The following PDGFC variants were observed in gnomAD, a reference collection of about 807,000 sequenced individuals.
PDGFC encodes platelet derived growth factor C.
A neutral mutation model predicts 35.5 loss-of-function variants in PDGFC; 12 were observed. The observed-to-expected ratio is 0.34, with a 90% CI of 0.22 to 0.55. PDGFC has a LOEUF of 0.55. Ranked by LOEUF, PDGFC falls within the 20% of genes least tolerant of loss-of-function variation. PDGFC has a pLI of 0.91. For synonymous variants in PDGFC, 159 were observed against 148.8 expected, an observed-to-expected ratio of 1.07 and a Z score of -0.50; for missense variants, 322 against 412.4, an observed-to-expected ratio of 0.78 and a Z score of 1.90.
chr4:156,902,928 T>C (rs1236911976), intron 1 of PDGFC, among the ~76,000 whole-genome samples: 1 of 152,184 alleles, frequency 6.6e-6, no homozygotes, highest in Non-Finnish European at 1.5e-5. Flanking sequence ...ACTTGATAAT[T>C]ATTTATTGGA....
intron 1 of PDGFC, among the ~76,000 whole-genome samples, chr4:156,941,366 C>T (rs532106820): frequency 1.1e-4 from 16 of 152,158 alleles, no homozygotes; most frequent in Middle Eastern, 3.4e-3. Context: ...AGAAACTGCA[C>T]GGGATGACGG....
At chr4:156,820,638 G>A (rs1460213522) in intron 2 of PDGFC, among the ~76,000 whole-genome samples, 1 of 152,150 alleles carries the variant, frequency 6.6e-6, no homozygotes, top group African/African-American at 2.4e-5. Context: ...AGGTACGCCT[G>A]TAATACTTTA....
rs114214397 is a variant in PDGFC, at chr4:156,931,396, A to T, written c.118+39390T>A. Among the ~76,000 whole-genome samples the T allele has an allele frequency of 5.3e-3, 812 of 152,332 alleles. 9 individuals are homozygous for T. Among genetic ancestry groups the T allele is most frequent in the African/African-American group, 0.019 (787 of 41,572 alleles). On this transcript the variant is annotated intron_variant, in intron 1 of 5. Coordinates refer to ENST00000502773, the MANE Select transcript of PDGFC (RefSeq NM_016205.3). ...TTAAATTATAGTCAAAGATCCATGAAGGCTTAAGTCACCCAGGATTGCATT... is the reference window on the plus strand; with the variant it reads ...TTAAATTATAGTCAAAGATCCATGATGGCTTAAGTCACCCAGGATTGCATT...
At chr4:156,840,956 C>T (rs1047278238) in intron 2 of PDGFC, among the ~76,000 whole-genome samples, 3 of 152,226 alleles carry the variant, frequency 2.0e-5, no homozygotes, top group Admixed American at 1.3e-4. Context: ...AATGCCTGTA[C>T]CCCCATTGTA....
chr4:156,887,316 G>C (rs921457473), intron 1 of PDGFC, among the ~76,000 whole-genome samples: 1 of 152,038 alleles, frequency 6.6e-6, no homozygotes, highest in Non-Finnish European at 1.5e-5. Flanking sequence ...TATCTCTGCT[G>C]TTTAGTAACA....
At chr4:156,854,946 C>T (rs568743870) in intron 1 of PDGFC, among the ~76,000 whole-genome samples, 1 of 152,054 alleles carries the variant, frequency 6.6e-6, no homozygotes, top group East Asian at 1.9e-4. Flanking sequence ...ATAAATACTA[C>T]ATTTTAAAAA....
intron 1 of PDGFC, among the ~76,000 whole-genome samples, chr4:156,880,698 A>C (rs1293355041): frequency 6.6e-6 from 1 of 152,208 alleles, no homozygotes; most frequent in Admixed American, 6.5e-5. Flanking sequence ...ACTCTCATGG[A>C]TGACACTGAG....
intron 1 of PDGFC, among the ~76,000 whole-genome samples, chr4:156,961,573 T>A (rs925575977): frequency 3.9e-5 from 6 of 152,132 alleles, no homozygotes; most frequent in African/African-American, 1.4e-4. Context: ...AATCCTTAAA[T>A]ACCACAAAAT....
chr4:156,942,872 G>C (rs1417429033), intron 1 of PDGFC, among the ~76,000 whole-genome samples: 1 of 151,696 alleles, frequency 6.6e-6, no homozygotes, highest in Admixed American at 6.6e-5. Flanking sequence ...AAACCTTTAA[G>C]GAATTCTGAG....
At chr4:156,850,508 A>G in intron 1 of PDGFC, 92 bp from the exon 2 acceptor site, 1 of 617,698 alleles carries the variant, frequency 1.6e-6, no homozygotes, top group South Asian at 2.8e-5. Context: ...TTTACCTCAG[A>G]CAAGTGCTGA....
intron 1 of PDGFC, among the ~76,000 whole-genome samples, chr4:156,901,531 C>T (rs1024797694): frequency 6.6e-6 from 1 of 152,082 alleles, no homozygotes; most frequent in Non-Finnish European, 1.5e-5. Flanking sequence ...AGAACAACGC[C>T]TACCTATTTC....
intron 3 of PDGFC, among the ~76,000 whole-genome samples, chr4:156,790,129 C>T (rs886687063): frequency 1.3e-5 from 2 of 152,000 alleles, no homozygotes; most frequent in Non-Finnish European, 2.9e-5. Flanking sequence ...TATTTATTTT[C>T]TCTGTATTTT....
intron 1 of PDGFC, among the ~76,000 whole-genome samples, chr4:156,858,123 G>T (rs1009519655): frequency 6.6e-6 from 1 of 151,958 alleles, no homozygotes; most frequent in Non-Finnish European, 1.5e-5. Context: ...ATTATTATGC[G>T]TGCCACTATT....
intron 3 of PDGFC, among the ~76,000 whole-genome samples, chr4:156,784,133 T>C (rs1299807582): frequency 6.6e-6 from 1 of 152,084 alleles, no homozygotes; most frequent in Non-Finnish European, 1.5e-5. Flanking sequence ...TCACTTGGAA[T>C]AGAGAAAGAT....
intron 1 of PDGFC, among the ~76,000 whole-genome samples, chr4:156,897,192 T>C (rs1242691862): frequency 6.6e-6 from 1 of 152,128 alleles, no homozygotes; most frequent in Non-Finnish European, 1.5e-5. Flanking sequence ...GACATTTGAC[T>C]AAAAAATAAG....
At chr4:156,799,946 A>T (rs1052333583) in intron 3 of PDGFC, among the ~76,000 whole-genome samples, 1 of 152,210 alleles carries the variant, frequency 6.6e-6, no homozygotes, top group African/African-American at 2.4e-5. Flanking sequence ...TTACCAAAGT[A>T]TCCATGACAT....
At chr4:156,770,992 C>T (rs1385993974) in intron 4 of PDGFC, among the ~76,000 whole-genome samples, 2 of 152,098 alleles carry the variant, frequency 1.3e-5, no homozygotes, top group Non-Finnish European at 2.9e-5. Context: ...TTGGTTTTGT[C>T]TATATAGATG....
intron 1 of PDGFC, among the ~76,000 whole-genome samples, chr4:156,887,398 T>G (rs952571431): frequency 6.6e-6 from 1 of 152,182 alleles, no homozygotes; most frequent in South Asian, 2.1e-4. Flanking sequence ...TACATATTTT[T>G]GGGGAGTAAG....
At chr4:156,934,722 C>T (rs544667535) in intron 1 of PDGFC, among the ~76,000 whole-genome samples, 1 of 152,174 alleles carries the variant, frequency 6.6e-6, no homozygotes, top group African/African-American at 2.4e-5. Context: ...ATTCTATGTG[C>T]TTGTTTCTAA....
Sources: gnomAD v4.1 joint callset for allele counts (sites outside exome capture counted in the v4.1 genomes callset) on GRCh38, gnomAD v4.1.1 for gene constraint, MANE v1.5 for transcripts, NCBI Gene and HGNC (gene_info 2026-07-23, HGNC 2026-07-21) for gene names.